Variants in SEPTIN4 observed in about 807,000 individuals in gnomAD.
SEPTIN4 encodes the protein septin-4.
Under a neutral mutation model 107.1 loss-of-function variants are expected in SEPTIN4, and 52 were observed. That is an observed-to-expected ratio of 0.49 (90% CI 0.39 to 0.61). The LOEUF (loss-of-function observed/expected upper bound fraction) is 0.61, where lower values mean the gene tolerates loss of function less well. SEPTIN4 is among the 20% of genes least tolerant of loss of function. SEPTIN4 has a pLI of 0.00. For synonymous variants in SEPTIN4, 417 were observed against 467.0 expected (o/e 0.89, Z 1.38); for missense variants, 1,048 against 1,243.5 (o/e 0.84, Z 2.36).
At position 58,525,543 on chromosome 17, in the gene SEPTIN4, G is replaced by C. The variant is rs577585447; in HGVS notation, c.2092+152C>G. 3 of 676,076 alleles carry C rather than the reference G, an allele frequency of 4.4e-6. No individual in the cohort carries two copies. The South Asian group carries it at 5.6e-5, about 13-fold the overall frequency. The allele number at this position is 676,076 out of a possible 1,614,324, so 41.9% of individuals were successfully genotyped here. A position where few individuals can be genotyped will look rare whatever the true frequency, so the allele number is the denominator to read the frequency against. ...AAATCTTTAGGGAGCTGGCTGGTGG[G>C]CTGCCAGGCAGTTAGGCCTATGGAG... On this transcript the variant is annotated intron_variant, in intron 6 of 13. Coordinates refer to ENST00000672673, the MANE Select transcript of SEPTIN4 (RefSeq NM_001368771.2).
chr17:58,533,501 C>T (rs778215925), intron 3 of SEPTIN4, among the ~76,000 whole-genome samples: 42 of 151,818 alleles, frequency 2.8e-4, no homozygotes, highest in Non-Finnish European at 4.6e-4. Context: ...AACAAGGCAG[C>T]AGCAGGAGGT....
At chr17:58,541,542 G>GC in intron 2 of SEPTIN4, 1 of 344,346 alleles carries the variant, frequency 2.9e-6, no homozygotes, top group Non-Finnish European at 5.3e-6. Flanking sequence ...CATGAGAAGA[G>GC]CCCCCAGCCT....
At chr17:58,531,938 G>C (rs1158060810) in intron 3 of SEPTIN4, 16 of 1,144,940 alleles carry the variant, frequency 1.4e-5, no homozygotes, top group Non-Finnish European at 1.6e-5. Context: ...CCCCGCGCCC[G>C]CCCGCCTGCC....
At chr17:58,532,074 C>G in intron 3 of SEPTIN4, 2 of 1,097,318 alleles carry the variant, frequency 1.8e-6, no homozygotes, top group Non-Finnish European at 2.2e-6. Context: ...TCCCCGAGTG[C>G]GGACCGCTGC....
At chr17:58,535,165 A>C (rs2043666300) in intron 3 of SEPTIN4, among the ~76,000 whole-genome samples, 1 of 152,184 alleles carries the variant, frequency 6.6e-6, no homozygotes, top group African/African-American at 2.4e-5. Context: ...ATAAACCAAA[A>C]TACATTAAGC....
In SEPTIN4 at chr17:58,526,325, G is replaced by A. The variant is rs1405888712; in HGVS notation, c.1912-12C>T. The A allele has an allele frequency of 6.4e-7, 1 of 1,554,480 alleles. No homozygotes were observed. Among genetic ancestry groups the A allele is most frequent in the Non-Finnish European group, 8.7e-7 (1 of 1,150,618 alleles). ...TACTCCTTGTCATCCTAGTAGACAG[G>A]AAGGCAGAATGCATCACGGTGAGGA... On this transcript the variant is annotated splice_polypyrimidine_tract_variant and intron_variant, in intron 4 of 13. Transcript: ENST00000672673.
chr17:58,526,133 G>A (rs1450413853), intron 5 of SEPTIN4, 87 bp downstream of exon 5: 17 of 1,369,856 alleles, frequency 1.2e-5, no homozygotes, highest in Non-Finnish European at 1.4e-5. Context: ...TGCTCCCTGC[G>A]ACCTATACTC....
chr17:58,529,090 C>T (rs2043228470), intron 3 of SEPTIN4: 2 of 1,613,828 alleles, frequency 1.2e-6, no homozygotes, highest in Non-Finnish European at 1.7e-6. Context: ...GTCACGTCCA[C>T]CCATCTCCCA....
At position 58,526,800 on chromosome 17, in the gene SEPTIN4, G is replaced by T. The variant is rs754213593; in HGVS notation, c.1793C>A (p.Pro598His). ...GTCAGAGGACTGGGGCCGCGAGGGG[G>T]GTCTGAACTCCAGGTCATCATCATA... Reference protein sequence around the residue: ...DLYDDDLEFRPPSRPQSSDNQ... With the variant: ...DLYDDDLEFRHPSRPQSSDNQ... Residue 598 changes from proline (P) to histidine (H), a missense_variant, in exon 4 of 14, where the codon CCC (proline) becomes CAC (histidine). Pro to His is a moderately conservative substitution (Grantham distance 77, BLOSUM62 -2). Coordinates refer to ENST00000672673, the MANE Select transcript of SEPTIN4 (RefSeq NM_001368771.2). The T allele has an allele frequency of 1.2e-6, 2 of 1,613,730 alleles. No homozygotes were observed. The highest frequency in any genetic ancestry group is 2.2e-5 in the South Asian group (2 of 91,074).
chr17:58,534,011 C>T (rs12453049), intron 3 of SEPTIN4, among the ~76,000 whole-genome samples: 55,151 of 151,988 alleles, frequency 0.36, 10,375 homozygotes, highest in East Asian at 0.51. Flanking sequence ...AAAAGGCAGC[C>T]CAACCAGCTC....
At chr17:58,524,858 C>T in intron 7 of SEPTIN4, 1 of 572,508 alleles carries the variant, frequency 1.7e-6, no homozygotes, top group East Asian at 3.2e-5. Context: ...ATTATAGAAT[C>T]ATAGGGCAGA....
rs1407844651 is a variant in SEPTIN4, at chr17:58,525,181, CCA to C, written c.2111_2112del (p.Val704GlyfsTer4). On this transcript the variant is annotated frameshift_variant, in exon 7 of 14. Transcript: ENST00000672673. LOFTEE classifies it high-confidence loss of function. ...ATGTCCACTGCATGCTTAGTGATCT[CCA>C]CAGTTTGCATGATCCTCTCTGGAGA... is the stretch of plus-strand genomic sequence containing the variant. ...LGAEERIMQT[V>X]EITKHAVDIE... is the part of the protein sequence containing the mutation. The C allele has an allele frequency of 6.2e-7, 1 of 1,613,970 alleles. No homozygotes were observed. Among genetic ancestry groups the C allele is most frequent in the Non-Finnish European group, 8.5e-7 (1 of 1,180,020 alleles).
intron 3 of SEPTIN4, among the ~76,000 whole-genome samples, chr17:58,534,292 C>T (rs773150769): frequency 2.0e-5 from 3 of 152,210 alleles, no homozygotes; most frequent in Admixed American, 1.3e-4. Context: ...CTGCAGCATT[C>T]GGAGAGCTCT....
chr17:58,532,174 G>A (rs1598308017), intron 3 of SEPTIN4: 1 of 925,580 alleles, frequency 1.1e-6, no homozygotes, highest in Non-Finnish European at 1.3e-6. Context: ...GAAGTGGGTC[G>A]GGGTGCCCAG....
In SEPTIN4 at chr17:58,526,573, A is replaced by AACACACACACAC. The variant is rs3034932; in HGVS notation, c.1911+97_1911+108dup. ...TAGGTCCCAGATACACACACACACA[A>AACACACACACAC]ACACACACACACACACACACACACA... On this transcript the variant is annotated intron_variant, in intron 4 of 13. Coordinates refer to ENST00000672673, the MANE Select transcript of SEPTIN4 (RefSeq NM_001368771.2). The AACACACACACAC allele has an allele frequency of 5.0e-3, 6,463 of 1,302,070 alleles. 93 individuals are homozygous for AACACACACACAC. In the African/African-American group the frequency reaches 0.053, roughly 11 times the overall value. 80.7% of individuals were successfully genotyped at this position (1,302,070 alleles called of 1,614,324 possible). A position where few individuals can be genotyped will look rare whatever the true frequency, so the allele number is the denominator to read the frequency against.
intron 7 of SEPTIN4, among the ~76,000 whole-genome samples, chr17:58,524,243 G>C (rs1221665099): frequency 6.6e-6 from 1 of 152,170 alleles, no homozygotes; most frequent in Non-Finnish European, 1.5e-5. Context: ...CCATTAGCTG[G>C]AGGGGGGTCC....
Position 58,543,559 on chromosome 17 carries a change from T to C in SEPTIN4, c.628A>G (p.Ile210Val). 1 of 1,614,162 alleles carries C rather than the reference T, an allele frequency of 6.2e-7. No homozygotes were observed. Among genetic ancestry groups the C allele is most frequent in the South Asian group, 1.1e-5 (1 of 91,078 alleles). Reference sequence around the variant, plus strand: ...GATCTGATCTCACTAGTAGTCGTAATTCTTTGGATGGGCTCAGTTTGTACT... The same window carrying C: ...GATCTGATCTCACTAGTAGTCGTAACTCTTTGGATGGGCTCAGTTTGTACT... ...EAVQTEPIQR[I>V]TTTSEIRSPR... Residue 210 changes from isoleucine (I) to valine (V), a missense_variant, in exon 1 of 14, where the codon ATT becomes GTT. By Grantham distance (29) the Ile-to-Val change is conservative. This residue lies in a region of SEPTIN4 where 787 missense variants were observed against 871.8 expected (regional missense o/e 0.90). Transcript: ENST00000672673.
Position 58,542,611 on chromosome 17 carries a change from T to C in SEPTIN4, c.1561+15A>G. On this transcript the variant is annotated intron_variant, in intron 1 of 13. Coordinates refer to ENST00000672673, the MANE Select transcript of SEPTIN4 (RefSeq NM_001368771.2). ...AAATTGGGGCTGCACCTGGGCAGTC[T>C]GCTTCTTCACATACCCAGGAAGAAA... 1 of 1,595,602 alleles carries C rather than the reference T, an allele frequency of 6.3e-7. No homozygotes were observed. Among genetic ancestry groups the C allele is most frequent in the Non-Finnish European group, 8.5e-7 (1 of 1,171,600 alleles).
intron 3 of SEPTIN4, among the ~76,000 whole-genome samples, chr17:58,536,435 A>G (rs2043713438): frequency 6.6e-6 from 1 of 152,210 alleles, no homozygotes; most frequent in African/African-American, 2.4e-5. Context: ...AGAATACCAG[A>G]GTAATGCCTT....
Sources: gnomAD v4.1 joint callset for allele counts (sites outside exome capture counted in the v4.1 genomes callset) on GRCh38, gnomAD v4.1.1 for gene constraint, gnomAD v4.1.1 regional missense constraint, MANE v1.5 for transcripts, NCBI Gene and HGNC (gene_info 2026-07-23, HGNC 2026-07-21) for gene names.